EYA4: variants seen among roughly 807,000 people sequenced by gnomAD.
The protein encoded by EYA4 is protein phosphatase EYA4.
Under a neutral mutation model 87.9 loss-of-function variants are expected in EYA4, and 31 were observed. The ratio of observed to expected loss-of-function variants is 0.35; its 90% CI spans 0.27 to 0.48. The LOEUF is 0.48. Ranked by LOEUF, EYA4 falls within the 20% of genes least tolerant of loss-of-function variation. The pLI, the probability that EYA4 is intolerant of heterozygous loss-of-function variation, is 0.99. For synonymous variants in EYA4, 263 were observed against 270.6 expected, an observed-to-expected ratio of 0.97 and a Z score of 0.28; for missense variants, 678 against 761.4, an observed-to-expected ratio of 0.89 and a Z score of 1.29.
At chr6:133,410,140 TC>T (rs1378534903) in intron 3 of EYA4, among the ~76,000 whole-genome samples, 1 of 152,144 alleles carries the variant, frequency 6.6e-6, no homozygotes, top group Non-Finnish European at 1.5e-5. Context: ...ATAGTCAGAT[TC>T]TGACCATGTC....
intron 2 of EYA4, among the ~76,000 whole-genome samples, chr6:133,317,606 A>C (rs535658156): frequency 1.3e-5 from 2 of 152,318 alleles, no homozygotes; most frequent in East Asian, 1.9e-4. Context: ...AAAAATAATC[A>C]TAAAATAATA....
chr6:133,329,544 A>G (rs752412281), intron 2 of EYA4, among the ~76,000 whole-genome samples: 22 of 152,132 alleles, frequency 1.4e-4, no homozygotes, highest in Non-Finnish European at 3.1e-4. Context: ...CTCAGTTAAT[A>G]CAAAAATCTC....
At chr6:133,285,781 A>T (rs1258579894) in intron 2 of EYA4, among the ~76,000 whole-genome samples, 1 of 152,154 alleles carries the variant, frequency 6.6e-6, no homozygotes, top group Non-Finnish European at 1.5e-5. Flanking sequence ...ATGACTTGCT[A>T]ATGTATGGGT....
chr6:133,264,731 G>A (rs532290002), intron 1 of EYA4, among the ~76,000 whole-genome samples: 6 of 152,174 alleles, frequency 3.9e-5, no homozygotes, highest in African/African-American at 7.2e-5. Context: ...CTCATTCCGC[G>A]GCAGCCTGGT....
At chr6:133,337,775 T>A (rs1782484478) in intron 2 of EYA4, among the ~76,000 whole-genome samples, 1 of 152,242 alleles carries the variant, frequency 6.6e-6, no homozygotes, top group African/African-American at 2.4e-5. Flanking sequence ...TCTAGGAAAC[T>A]ATGCTATATA....
chr6:133,269,318 A>T (rs1441111623), intron 1 of EYA4, among the ~76,000 whole-genome samples: 1 of 152,188 alleles, frequency 6.6e-6, no homozygotes, highest in African/African-American at 2.4e-5. Context: ...AGTGTGCTTG[A>T]TAATCCACCA....
intron 1 of EYA4, among the ~76,000 whole-genome samples, chr6:133,250,814 A>G (rs997057532): frequency 6.6e-6 from 1 of 152,160 alleles, no homozygotes; most frequent in Non-Finnish European, 1.5e-5. Flanking sequence ...TGAGAATTCA[A>G]TGAGTAAATA....
chr6:133,255,275 A>G (rs1775248175), intron 1 of EYA4, among the ~76,000 whole-genome samples: 1 of 152,214 alleles, frequency 6.6e-6, no homozygotes, highest in Non-Finnish European at 1.5e-5. Flanking sequence ...AAAAATACAA[A>G]TAAGTCATAC....
intron 1 of EYA4, among the ~76,000 whole-genome samples, chr6:133,262,338 A>G (rs2128244122): frequency 6.6e-6 from 1 of 152,370 alleles, no homozygotes; most frequent in Middle Eastern, 3.4e-3. Context: ...GAACCATTAC[A>G]GTGTGTACAA....
At chr6:133,279,358 G>A (rs1436714314) in intron 2 of EYA4, among the ~76,000 whole-genome samples, 19 of 151,876 alleles carry the variant, frequency 1.3e-4, no homozygotes, top group Admixed American at 1.2e-3. Context: ...TATTGTTGGT[G>A]GCATGATTTT....
intron 3 of EYA4, among the ~76,000 whole-genome samples, chr6:133,406,394 A>G (rs932589782): frequency 1.3e-5 from 2 of 152,210 alleles, no homozygotes; most frequent in Admixed American, 1.3e-4. Context: ...AGAGGCATAC[A>G]ATGCCAACGG....
chr6:133,306,162 C>T (rs1439329959), intron 2 of EYA4, among the ~76,000 whole-genome samples: 1 of 152,092 alleles, frequency 6.6e-6, no homozygotes, highest in Non-Finnish European at 1.5e-5. Context: ...ATGATTAGTA[C>T]AAAGTACAAA....
At chr6:133,505,529 G>A (rs951970686) in intron 13 of EYA4, among the ~76,000 whole-genome samples, 4 of 152,088 alleles carry the variant, frequency 2.6e-5, no homozygotes, top group African/African-American at 9.7e-5. Context: ...CACATGTTTG[G>A]ATAGGGAGAT....
At chr6:133,294,023 T>TTTTATATATA (rs1436598260) in intron 2 of EYA4, among the ~76,000 whole-genome samples, 7 of 78,780 alleles carry the variant, frequency 8.9e-5, no homozygotes, top group African/African-American at 2.1e-4. Flanking sequence ...TAGGGTGATT[T>TTTTATATATA]TATATATATA....
intron 14 of EYA4, among the ~76,000 whole-genome samples, chr6:133,509,581 C>T (rs1798958889): frequency 6.6e-6 from 1 of 152,164 alleles, no homozygotes; most frequent in South Asian, 2.1e-4. Context: ...CCAAACTACC[C>T]TCCCCCAACA....
chr6:133,417,429 T>C (rs1307917631), intron 3 of EYA4, among the ~76,000 whole-genome samples: 1 of 151,902 alleles, frequency 6.6e-6, no homozygotes, highest in Non-Finnish European at 1.5e-5. Context: ...CCTGAGACAG[T>C]GAAAGAGGAC....
At chr6:133,520,218 T>C (rs547999448) in intron 17 of EYA4, among the ~76,000 whole-genome samples, 1 of 151,502 alleles carries the variant, frequency 6.6e-6, no homozygotes, top group South Asian at 2.1e-4. Flanking sequence ...GACGACATGA[T>C]TGTATATCTA....
intron 1 of EYA4, among the ~76,000 whole-genome samples, chr6:133,259,078 A>G (rs951359048): frequency 6.6e-6 from 1 of 152,220 alleles, no homozygotes; most frequent in African/African-American, 2.4e-5. Context: ...GTGATTTAAA[A>G]ATAATGATGC....
At chr6:133,436,722 G>A (rs1261091173) in intron 3 of EYA4, among the ~76,000 whole-genome samples, 1 of 152,158 alleles carries the variant, frequency 6.6e-6, no homozygotes, top group Non-Finnish European at 1.5e-5. Flanking sequence ...TGAGAATGTG[G>A]GAAATAGACC....
Sources: gnomAD v4.1 joint callset for allele counts (sites outside exome capture counted in the v4.1 genomes callset) on GRCh38, gnomAD v4.1.1 for gene constraint, MANE v1.5 for transcripts, NCBI Gene and HGNC (gene_info 2026-07-23, HGNC 2026-07-21) for gene names.